ZNF385D: variants seen among roughly 807,000 people sequenced by gnomAD.
ZNF385D encodes zinc finger protein 385D.
In ZNF385D, 15 loss-of-function variants were observed where a neutral mutation model predicts 35.8. The observed-to-expected ratio is 0.42, with a 90% confidence interval of 0.28 to 0.64. The LOEUF (loss-of-function observed/expected upper bound fraction) is 0.64, where lower values mean the gene tolerates loss of function less well. ZNF385D is among the 30% of genes least tolerant of loss of function. The pLI is 0.23. For missense variants in ZNF385D, 474 were observed against 494.6 expected, an observed-to-expected ratio of 0.96 and a Z score of 0.39; for synonymous variants, 212 against 186.8, an observed-to-expected ratio of 1.13 and a Z score of -1.10.
chr3:21,474,493 C>T (rs551773066), intron 4 of ZNF385D, among the ~76,000 whole-genome samples: 2 of 152,202 alleles, frequency 1.3e-5, no homozygotes, highest in South Asian at 2.1e-4. Flanking sequence ...GGCCAAATCA[C>T]TCTCCAAGGT....
At chr3:21,926,382 T>C (rs183939685) in intron 3 of ZNF385D, among the ~76,000 whole-genome samples, 157 of 152,232 alleles carry the variant, frequency 1.0e-3, no homozygotes, top group Admixed American at 0.01. Context: ...GAACATGCAG[T>C]GTTTGGTTTT....
chr3:21,457,809 G>T (rs1374348700), intron 4 of ZNF385D, among the ~76,000 whole-genome samples: 1 of 152,144 alleles, frequency 6.6e-6, no homozygotes, highest in East Asian at 1.9e-4. Context: ...GTTAATTTAA[G>T]AATTACACAC....
chr3:21,922,686 G>A (rs558220720), intron 3 of ZNF385D, among the ~76,000 whole-genome samples: 2 of 152,196 alleles, frequency 1.3e-5, no homozygotes, highest in South Asian at 2.1e-4. Context: ...ATAAGAATCC[G>A]AGAAGAAAAC....
intron 3 of ZNF385D, among the ~76,000 whole-genome samples, chr3:21,560,300 C>G (rs2125632514): frequency 6.6e-6 from 1 of 152,320 alleles, no homozygotes; most frequent in South Asian, 2.1e-4. Flanking sequence ...GTGGATTCAT[C>G]TATCTTTGGT....
intron 3 of ZNF385D, among the ~76,000 whole-genome samples, chr3:21,535,889 T>A (rs1407397754): frequency 1.3e-5 from 2 of 152,072 alleles, no homozygotes; most frequent in African/African-American, 2.4e-5. Context: ...ACCCTGAGTT[T>A]TCTTAAATAC....
At chr3:22,133,290 G>A (rs917138517) in intron 3 of ZNF385D, among the ~76,000 whole-genome samples, 1 of 151,804 alleles carries the variant, frequency 6.6e-6, no homozygotes, top group Non-Finnish European at 1.5e-5. Flanking sequence ...TTAATAACAT[G>A]AAAATCTGAA....
At chr3:22,264,785 A>G (rs557115125) in intron 2 of ZNF385D, among the ~76,000 whole-genome samples, 124 of 152,138 alleles carry the variant, frequency 8.2e-4, no homozygotes, top group Non-Finnish European at 1.6e-3. Context: ...CTGCATTGAA[A>G]TAAAAAATAT....
chr3:22,180,274 T>C (rs543532992), intron 2 of ZNF385D, among the ~76,000 whole-genome samples: 1 of 152,320 alleles, frequency 6.6e-6, no homozygotes, highest in Non-Finnish European at 1.5e-5. Context: ...TAACAGGCTC[T>C]GAAATTGAGG....
chr3:22,297,656 T>G (rs1702664605), intron 2 of ZNF385D, among the ~76,000 whole-genome samples: 1 of 152,084 alleles, frequency 6.6e-6, no homozygotes, highest in African/African-American at 2.4e-5. Context: ...GCTGTTCTTT[T>G]CTTCCTACTT....
intron 3 of ZNF385D, among the ~76,000 whole-genome samples, chr3:22,057,059 A>G (rs1429736115): frequency 6.6e-6 from 1 of 152,236 alleles, no homozygotes; most frequent in Non-Finnish European, 1.5e-5. Flanking sequence ...GATAAACAAA[A>G]TATTGAAACT....
At chr3:21,877,564 G>C (rs189316591) in intron 3 of ZNF385D, among the ~76,000 whole-genome samples, 18 of 152,186 alleles carry the variant, frequency 1.2e-4, no homozygotes, top group Admixed American at 2.6e-4. Flanking sequence ...ATTCTGGAGA[G>C]CCTCGGAAAT....
At chr3:22,025,461 T>C (rs12494170) in intron 3 of ZNF385D, among the ~76,000 whole-genome samples, 13,071 of 152,034 alleles carry the variant, frequency 0.086, 603 homozygotes, top group East Asian at 0.16. Context: ...TAAACAGCAA[T>C]CTGGAGAACA....
chr3:22,079,898 G>A (rs1239060567), intron 3 of ZNF385D, among the ~76,000 whole-genome samples: 2 of 151,918 alleles, frequency 1.3e-5, no homozygotes, highest in Non-Finnish European at 2.9e-5. Context: ...AAATATGTGT[G>A]TGTGTGTATG....
chr3:22,253,580 A>G (rs769433675), intron 2 of ZNF385D, among the ~76,000 whole-genome samples: 34 of 151,976 alleles, frequency 2.2e-4, no homozygotes, highest in Admixed American at 4.6e-4. Flanking sequence ...TCATGACATG[A>G]TAGGACTCAC....
At chr3:22,298,048 G>A (rs1702687968) in intron 2 of ZNF385D, among the ~76,000 whole-genome samples, 1 of 152,100 alleles carries the variant, frequency 6.6e-6, no homozygotes, top group African/African-American at 2.4e-5. Context: ...AGAGGGAAGA[G>A]TATGTTTCAG....
chr3:22,328,725 G>A (rs1694789360), intron 2 of ZNF385D, among the ~76,000 whole-genome samples: 1 of 149,838 alleles, frequency 6.7e-6, no homozygotes, highest in South Asian at 2.1e-4. Flanking sequence ...TTGCACCACT[G>A]CACTCAAGCC....
At chr3:22,229,867 C>T (rs1698780941) in intron 2 of ZNF385D, among the ~76,000 whole-genome samples, 3 of 152,142 alleles carry the variant, frequency 2.0e-5, no homozygotes, top group African/African-American at 4.8e-5. Flanking sequence ...ATTGGTTTAG[C>T]CCCTCTCTCT....
chr3:22,230,973 CTT>C (rs1249227460), intron 2 of ZNF385D, among the ~76,000 whole-genome samples: 6 of 152,130 alleles, frequency 3.9e-5, no homozygotes, highest in African/African-American at 1.4e-4. Flanking sequence ...CAGACCCAGA[CTT>C]CCCAGAAGGG....
At chr3:21,999,949 G>C (rs994373041) in intron 3 of ZNF385D, among the ~76,000 whole-genome samples, 52 of 152,176 alleles carry the variant, frequency 3.4e-4, no homozygotes, top group African/African-American at 1.2e-3. Context: ...TCTCAAGTTT[G>C]GAAGAGATAC....
Sources: allele counts gnomAD v4.1 joint callset (sites outside exome capture counted in the v4.1 genomes callset), GRCh38; gene constraint gnomAD v4.1.1; transcripts MANE v1.5; gene names NCBI Gene and HGNC (gene_info 2026-07-23, HGNC 2026-07-21).